Variants in RAPGEF5 observed in about 807,000 individuals in gnomAD.
The protein encoded by RAPGEF5 is M-Ras-regulated GEF.
Under a neutral mutation model 125.2 loss-of-function variants are expected in RAPGEF5, and 65 were observed. That is an observed-to-expected ratio of 0.52 (90% CI 0.43 to 0.64). The LOEUF (loss-of-function observed/expected upper bound fraction) is 0.64, where lower values mean the gene tolerates loss of function less well. Among genes scored for constraint, RAPGEF5 ranks in the 30% least tolerant of loss-of-function variants. RAPGEF5 has a pLI of 0.00. For missense variants in RAPGEF5, 958 were observed against 1,048.1 expected, an observed-to-expected ratio of 0.91 and a Z score of 1.19; for synonymous variants, 391 against 385.9, an observed-to-expected ratio of 1.01 and a Z score of -0.16.
At chr7:22,248,991 A>G (rs905667057) in intron 7 of RAPGEF5, among the ~76,000 whole-genome samples, 1 of 152,204 alleles carries the variant, frequency 6.6e-6, no homozygotes, top group African/African-American at 2.4e-5. Flanking sequence ...CCAGAAAACA[A>G]TAACAGGATA....
rs576507731 is a variant in RAPGEF5, at chr7:22,224,876, A to G, written c.871-4885T>C. Among the ~76,000 whole-genome samples the G allele has an allele frequency of 5.9e-5, 9 of 151,396 alleles. 2 individuals are homozygous for G. Among genetic ancestry groups the G allele is most frequent in the African/African-American group, 2.2e-4 (9 of 41,220 alleles). ...TAATCAGCTGATTACAGCATCATCAATAAAAGGCCGAAATTAAATAGAGGA... is the reference window on the plus strand; with the variant it reads ...TAATCAGCTGATTACAGCATCATCAGTAAAAGGCCGAAATTAAATAGAGGA... On this transcript the variant is annotated intron_variant, in intron 8 of 25. Transcript: ENST00000665637.
At chr7:22,155,238 T>A (rs1783767726) in intron 16 of RAPGEF5, among the ~76,000 whole-genome samples, 1 of 152,240 alleles carries the variant, frequency 6.6e-6, no homozygotes, top group African/African-American at 2.4e-5. Flanking sequence ...ATTTCTAGTC[T>A]TTTTAATTTC....
intron 1 of RAPGEF5, among the ~76,000 whole-genome samples, chr7:22,330,337 C>G (rs193166723): frequency 2.6e-5 from 4 of 152,172 alleles, no homozygotes; most frequent in African/African-American, 9.7e-5. Flanking sequence ...TGGCTTTCTG[C>G]CCATCCTGAA....
intron 7 of RAPGEF5, among the ~76,000 whole-genome samples, chr7:22,262,731 A>G (rs1478349522): frequency 7.8e-6 from 1 of 128,794 alleles, no homozygotes; most frequent in Non-Finnish European, 1.6e-5. Flanking sequence ...CATTCATGCC[A>G]CGGAACACTA....
chr7:22,332,769 C>T (rs1164411667), intron 1 of RAPGEF5, among the ~76,000 whole-genome samples: 2 of 152,228 alleles, frequency 1.3e-5, no homozygotes, highest in Non-Finnish European at 2.9e-5. Context: ...CTCACAATCA[C>T]AGTCCTATTA....
At chr7:22,225,966 A>G (rs1476689) in intron 8 of RAPGEF5, among the ~76,000 whole-genome samples, 79,962 of 152,080 alleles carry the variant, frequency 0.53, 21,239 homozygotes, top group East Asian at 0.7. Context: ...TGTTGGGTCC[A>G]TCCCCTCAAT....
chr7:22,210,013 T>C (rs988519749), intron 9 of RAPGEF5, among the ~76,000 whole-genome samples: 22 of 152,202 alleles, frequency 1.4e-4, no homozygotes, highest in African/African-American at 5.3e-4. Flanking sequence ...GAATATATTT[T>C]CCCCTTTTTA....
At chr7:22,126,575 G>C (rs1214055632) in intron 24 of RAPGEF5, among the ~76,000 whole-genome samples, 1 of 152,178 alleles carries the variant, frequency 6.6e-6, no homozygotes, top group East Asian at 1.9e-4. Context: ...CTGGAAATGA[G>C]ATACTGACAA....
intron 8 of RAPGEF5, chr7:22,220,222 G>A (rs1409104122): frequency 8.5e-6 from 4 of 472,262 alleles, no homozygotes; most frequent in African/African-American, 1.9e-5. Flanking sequence ...TTAAGAGGGT[G>A]AAGGACAGAG....
rs531178005 is a variant in RAPGEF5 at position 22,120,861 on chromosome 7, G to C, written c.*1545C>G. On this transcript the variant is annotated 3_prime_UTR_variant, in exon 26 of 26. Transcript: ENST00000665637. The surrounding 1 kb of genome is among the most constrained non-coding windows in gnomAD (Gnocchi z 4.0). ...GTTCCTGAGCCCAGGAAACAGCACT[G>C]CTATAAAGATGTCAAAAAGCATTGG... The C allele has an allele frequency of 2.6e-5, 4 of 152,294 alleles. No homozygotes were observed. The highest frequency in any genetic ancestry group is 6.5e-5 in the Admixed American group (1 of 15,284). 9.4% of individuals were successfully genotyped at this position (152,294 alleles called of 1,614,324 possible).
intron 25 of RAPGEF5, 114 bp from the exon 26 acceptor site, chr7:22,122,635 G>A (rs1004732381): frequency 2.8e-6 from 2 of 717,652 alleles, no homozygotes; most frequent in Non-Finnish European, 4.8e-6. Context: ...GTTCTCATTA[G>A]TCAGAATCCC....
At chr7:22,177,864 A>T (rs1784556579) in intron 11 of RAPGEF5, among the ~76,000 whole-genome samples, 1 of 152,182 alleles carries the variant, frequency 6.6e-6, no homozygotes, top group African/African-American at 2.4e-5. Flanking sequence ...TTAGGGGAAA[A>T]GAAAATGCAG....
chr7:22,182,722 T>C (rs758332540), intron 11 of RAPGEF5, among the ~76,000 whole-genome samples: 6 of 152,110 alleles, frequency 3.9e-5, no homozygotes, highest in East Asian at 1.9e-4. Context: ...TCCAAAGAAA[T>C]AGAAAAGTAA....
intron 9 of RAPGEF5, among the ~76,000 whole-genome samples, chr7:22,217,808 T>C (rs4722112): frequency 0.42 from 63,220 of 151,984 alleles, 13,563 homozygotes; most frequent in East Asian, 0.69. Context: ...GATATGACAG[T>C]CACGCAAGAA....
chr7:22,163,045 C>T (rs556517965), intron 12 of RAPGEF5: 2 of 454,098 alleles, frequency 4.4e-6, no homozygotes, highest in African/African-American at 4.0e-5. Flanking sequence ...ATTCAAATGC[C>T]CACTCCTAGG....
chr7:22,131,645 T>C (rs1022159243), intron 23 of RAPGEF5, among the ~76,000 whole-genome samples: 3 of 152,180 alleles, frequency 2.0e-5, no homozygotes, highest in Admixed American at 6.5e-5. Flanking sequence ...AGAGGCAGGC[T>C]TGAAAAAGTC....
intron 18 of RAPGEF5, among the ~76,000 whole-genome samples, chr7:22,149,143 G>A (rs1478577611): frequency 6.6e-6 from 1 of 152,094 alleles, no homozygotes; most frequent in Admixed American, 6.5e-5. Flanking sequence ...TCTCTCGTGG[G>A]GTTACTGGAA....
chr7:22,124,104 T>C (rs1028653841), intron 25 of RAPGEF5, among the ~76,000 whole-genome samples: 1 of 152,178 alleles, frequency 6.6e-6, no homozygotes, highest in Non-Finnish European at 1.5e-5. Flanking sequence ...ACACAGAGGG[T>C]TGCTCTCTGA....
chr7:22,282,628 A>T (rs1044826452), intron 6 of RAPGEF5, among the ~76,000 whole-genome samples: 1 of 152,242 alleles, frequency 6.6e-6, no homozygotes, highest in African/African-American at 2.4e-5. Flanking sequence ...ATGCAATGGT[A>T]ATACACCCTG....
Sources: allele counts gnomAD v4.1 joint callset (sites outside exome capture counted in the v4.1 genomes callset), GRCh38; gene constraint gnomAD v4.1.1; non-coding constraint Gnocchi (gnomAD v3.1); transcripts MANE v1.5; gene names NCBI Gene and HGNC (gene_info 2026-07-23, HGNC 2026-07-21).